Variants in COL24A1 observed in about 807,000 individuals in gnomAD.
COL24A1 encodes collagen type XXIV alpha 1 chain, also known as collagen alpha-1(XXIV) chain.
Under a neutral mutation model 253.9 loss-of-function variants are expected in COL24A1, and 224 were observed. The observed-to-expected ratio is 0.88, with a 90% CI of 0.79 to 0.99. COL24A1 has a LOEUF of 0.99. Ranked by LOEUF, COL24A1 falls within the 50% of genes least tolerant of loss-of-function variation. COL24A1 has a pLI of 0.00. For missense variants in COL24A1, 2,131 were observed against 2,068.5 expected (o/e 1.03, Z -0.59); for synonymous variants, 685 against 673.7 (o/e 1.02, Z -0.26).
In COL24A1 at chr1:85,818,044, G is replaced by A. The variant is rs1212773105; in HGVS notation, c.3833C>T (p.Pro1278Leu). 2 of 1,613,452 alleles carry A rather than the reference G, an allele frequency of 1.2e-6. No homozygotes were observed. The highest frequency in any genetic ancestry group is 1.7e-5 in the Admixed American group (1 of 59,972). ...KKGAPGPSGK[P>L]GIPGLQGLLG... ...AGGCCTGTTACTTACAGGAATCCCA[G>A]GTTTCCCAGAAGGACCAGGAGCTCC... The change falls in exon 46 of 60, where the codon CCT becomes CTT. Residue 1278 changes from proline (P) to leucine (L), a missense_variant. Physicochemically the swap from Pro to Leu is moderately conservative, Grantham distance 98. Transcript: ENST00000370571.
intron 35 of COL24A1, among the ~76,000 whole-genome samples, chr1:85,871,827 G>A (rs1487042369): frequency 6.6e-6 from 1 of 152,040 alleles, no homozygotes; most frequent in Non-Finnish European, 1.5e-5. Context: ...TGTTCAACAT[G>A]GTGTTGGAAG....
rs542486429 is a variant in COL24A1 at position 86,076,388 on chromosome 1, A to G, written c.1708-12629T>C. Among the ~76,000 whole-genome samples the G allele has an allele frequency of 1.8e-3, 281 of 152,344 alleles. 1 individual carries two copies. Among genetic ancestry groups the G allele is most frequent in the Middle Eastern group, 3.4e-3 (1 of 294 alleles). ...ACAAACCACTGCTCAAGGAAATAAG[A>G]GACAACACAAACAAATGGAAAAACA... On this transcript the variant is annotated intron_variant, in intron 7 of 59. Coordinates refer to ENST00000370571, the MANE Select transcript of COL24A1 (RefSeq NM_152890.7).
intron 53 of COL24A1, among the ~76,000 whole-genome samples, chr1:85,769,338 A>C (rs1667717341): frequency 6.6e-6 from 1 of 152,148 alleles, no homozygotes; most frequent in African/African-American, 2.4e-5. Flanking sequence ...TGGTAGAGGC[A>C]CAGGTAGAAG....
chr1:86,134,005 T>C (rs1260423583), intron 2 of COL24A1, among the ~76,000 whole-genome samples: 1 of 152,092 alleles, frequency 6.6e-6, no homozygotes, highest in East Asian at 1.9e-4. Flanking sequence ...GCTAACCTAT[T>C]AATTATTGCC....
At chr1:86,147,704 C>A (rs576305335) in intron 1 of COL24A1, among the ~76,000 whole-genome samples, 53 of 152,318 alleles carry the variant, frequency 3.5e-4, no homozygotes, top group African/African-American at 1.2e-3. Flanking sequence ...GATTCTAGTG[C>A]AGATTGTACG....
intron 8 of COL24A1, 98 bp downstream of exon 8, chr1:86,063,617 G>T: frequency 3.6e-6 from 3 of 835,210 alleles, no homozygotes; most frequent in Middle Eastern, 2.6e-4. Flanking sequence ...TCACTGAGAA[G>T]AAAAATTGAA....
At position 86,146,180 on chromosome 1, in the gene COL24A1, T is replaced by C; in HGVS notation, c.60A>G (p.Lys20=). Residue 20 remains lysine (K), a synonymous_variant, in exon 2 of 60, where the codon AAA becomes AAG. Coordinates refer to ENST00000370571, the MANE Select transcript of COL24A1 (RefSeq NM_152890.7). ...RGKVSPTAKT[K]SLLHFIVLCV... is the part of the protein sequence containing the mutation. ...ATAGTACAATAAAATGAAGAAGTGA[T>C]TTCCTAGGAAAAGAAAAAAGCATTT... 1 of 1,610,218 alleles carries C rather than the reference T, an allele frequency of 6.2e-7. No homozygotes were observed. The highest frequency in any genetic ancestry group is 1.1e-5 in the South Asian group (1 of 90,130).
At chr1:86,110,817 C>T (rs1273108174) in intron 5 of COL24A1, among the ~76,000 whole-genome samples, 7 of 152,078 alleles carry the variant, frequency 4.6e-5, no homozygotes, top group Non-Finnish European at 1.0e-4. Flanking sequence ...CCATGCCCGA[C>T]CCCCGCCCCC....
At chr1:85,986,533 CT>C (rs369249774) in intron 20 of COL24A1, among the ~76,000 whole-genome samples, 23 of 151,892 alleles carry the variant, frequency 1.5e-4, no homozygotes, top group East Asian at 9.6e-4. Context: ...GGTATTAGAG[CT>C]CAGACTTTGA....
rs72948651 is a variant in COL24A1, at chr1:85,732,988, T to C, written c.4998+1761A>G. 3.3e-3 allele frequency among the ~76,000 whole-genome samples: 504 copies of C among 152,266 alleles called. 3 individuals are homozygous for C. Among genetic ancestry groups the C allele is most frequent in the African/African-American group, 0.011 (472 of 41,546 alleles). On this transcript the variant is annotated intron_variant, in intron 59 of 59. Transcript: ENST00000370571. ...GGGTCTGGTTGTTGTAAGCACTCAATGGAGTTGATAAGTTTGAATTGTGTC... is the reference window on the plus strand; with the variant it reads ...GGGTCTGGTTGTTGTAAGCACTCAACGGAGTTGATAAGTTTGAATTGTGTC...
At chr1:85,888,322 G>A (rs561787667) in intron 32 of COL24A1, among the ~76,000 whole-genome samples, 6 of 152,002 alleles carry the variant, frequency 3.9e-5, no homozygotes, top group South Asian at 2.1e-4. Flanking sequence ...AAGCTAGCCC[G>A]AGCCCTTTAA....
At chr1:85,837,342 T>C (rs1175339583) in intron 43 of COL24A1, among the ~76,000 whole-genome samples, 1 of 152,198 alleles carries the variant, frequency 6.6e-6, no homozygotes, top group Non-Finnish European at 1.5e-5. Context: ...TTTTAGGGAG[T>C]GAAAGTTAAT....
chr1:85,948,473 G>A (rs1420067419), intron 24 of COL24A1, among the ~76,000 whole-genome samples: 2 of 135,702 alleles, frequency 1.5e-5, no homozygotes, highest in East Asian at 4.5e-4. Flanking sequence ...GCAGTGAGCC[G>A]AGATCGCGCC....
chr1:86,063,908 T>G, intron 7 of COL24A1, 149 bp from the exon 8 acceptor site: 1 of 374,112 alleles, frequency 2.7e-6, no homozygotes, highest in Non-Finnish European at 4.9e-6. Context: ...CTTATTAAAT[T>G]TAATCTTCTT....
chr1:86,132,882 G>C (rs936317780), intron 2 of COL24A1, among the ~76,000 whole-genome samples: 1 of 151,770 alleles, frequency 6.6e-6, no homozygotes, highest in Non-Finnish European at 1.5e-5. Context: ...CTTTAAAGTA[G>C]TTTTTTCCAG....
At chr1:86,146,016 T>C in intron 2 of COL24A1, 103 bp downstream of exon 2, 1 of 958,260 alleles carries the variant, frequency 1.0e-6, no homozygotes, top group South Asian at 1.7e-5. Flanking sequence ...TGTTATTGTT[T>C]AATGTTGAAT....
In COL24A1 at chr1:85,966,375, A is replaced by T. The variant is rs1174242409; in HGVS notation, c.2464-1313T>A. On this transcript the variant is annotated intron_variant, in intron 22 of 59. Transcript: ENST00000370571. ...GTGGTAGTTATTTATACAAGTCCAG[A>T]ATTTAACTGGATCAGTTAAATTCTT... 2.0e-5 allele frequency among the ~76,000 whole-genome samples: 3 copies of T among 152,272 alleles called. No homozygotes were observed. In the East Asian group the frequency reaches 5.8e-4, roughly 29 times the overall value.
At chr1:85,875,451 T>C (rs1422927227) in intron 33 of COL24A1, 121 bp from the exon 34 acceptor site, 2 of 699,866 alleles carry the variant, frequency 2.9e-6, no homozygotes, top group Non-Finnish European at 5.0e-6. Flanking sequence ...TGTCCCTTTA[T>C]AAACTTCATA....
intron 22 of COL24A1, among the ~76,000 whole-genome samples, chr1:85,966,120 T>A (rs1691549291): frequency 6.6e-6 from 1 of 152,050 alleles, no homozygotes; most frequent in Admixed American, 6.6e-5. Flanking sequence ...AGCAGAGTGG[T>A]AAGATTCTGG....
Sources: gnomAD v4.1 joint callset for allele counts (sites outside exome capture counted in the v4.1 genomes callset) on GRCh38, gnomAD v4.1.1 for gene constraint, MANE v1.5 for transcripts, NCBI Gene and HGNC (gene_info 2026-07-23, HGNC 2026-07-21) for gene names.